Variants in PDE7A observed in about 807,000 individuals in gnomAD.
The protein encoded by PDE7A is high affinity 3',5'-cyclic-AMP phosphodiesterase 7A.
A neutral mutation model predicts 64.3 loss-of-function variants in PDE7A; 39 were observed. That is an observed-to-expected ratio of 0.61 (90% CI 0.47 to 0.79). The LOEUF is 0.79. Ranked by LOEUF, PDE7A falls within the 30% of genes least tolerant of loss-of-function variation. PDE7A has a pLI of 0.00. For synonymous variants in PDE7A, 203 were observed against 206.8 expected, an observed-to-expected ratio of 0.98 and a Z score of 0.16; for missense variants, 470 against 582.8, an observed-to-expected ratio of 0.81 and a Z score of 1.99.
intron 1 of PDE7A, among the ~76,000 whole-genome samples, chr8:65,825,735 T>A (rs1388754807): frequency 1.3e-5 from 2 of 152,152 alleles, no homozygotes; most frequent in South Asian, 4.1e-4. Context: ...ATTAAATGAG[T>A]AAGTTTTTCT....
chr8:65,802,910 A>C (rs1378819782), intron 1 of PDE7A, among the ~76,000 whole-genome samples: 2 of 151,960 alleles, frequency 1.3e-5, no homozygotes, highest in Non-Finnish European at 2.9e-5. Flanking sequence ...TTCTGGGTTC[A>C]CTCATCTGGT....
intron 1 of PDE7A, among the ~76,000 whole-genome samples, chr8:65,829,108 A>G (rs1018274748): frequency 1.3e-5 from 2 of 152,144 alleles, no homozygotes; most frequent in East Asian, 1.9e-4. Context: ...AAAAAATTTA[A>G]ATTACTAAAA....
chr8:65,781,235 A>G (rs1809410313), intron 2 of PDE7A, among the ~76,000 whole-genome samples: 1 of 152,028 alleles, frequency 6.6e-6, no homozygotes, highest in South Asian at 2.1e-4. Context: ...TGAGCCAGGG[A>G]GGAAGAGCCA....
intron 2 of PDE7A, 122 bp from the exon 3 acceptor site, chr8:65,779,925 T>C: frequency 2.0e-6 from 1 of 502,530 alleles, no homozygotes; most frequent in South Asian, 4.2e-5. Context: ...ATCATATATG[T>C]GGAACAGGTA....
intron 1 of PDE7A, among the ~76,000 whole-genome samples, chr8:65,807,100 T>C (rs1447846307): frequency 1.3e-5 from 2 of 152,262 alleles, no homozygotes; most frequent in Admixed American, 1.3e-4. Context: ...AAAGGGACTA[T>C]ACTGAATCTG....
At chr8:65,830,338 CT>C (rs1810785706) in intron 1 of PDE7A, among the ~76,000 whole-genome samples, 1 of 151,814 alleles carries the variant, frequency 6.6e-6, no homozygotes, top group South Asian at 2.1e-4. Flanking sequence ...CAGTTGCTAC[CT>C]GACAAAGCAT....
At chr8:65,756,228 G>A (rs1381908371) in intron 3 of PDE7A, among the ~76,000 whole-genome samples, 1 of 152,188 alleles carries the variant, frequency 6.6e-6, no homozygotes, top group Non-Finnish European at 1.5e-5. Flanking sequence ...TGACTATAGT[G>A]TGTCTCAGTG....
At chr8:65,787,917 C>T (rs1809605275) in intron 1 of PDE7A, among the ~76,000 whole-genome samples, 1 of 152,048 alleles carries the variant, frequency 6.6e-6, no homozygotes, top group Non-Finnish European at 1.5e-5. Flanking sequence ...GTCACTGCAA[C>T]AAAATTAATT....
chr8:65,728,605 G>A (rs1806706178), intron 7 of PDE7A: 1 of 152,300 alleles, frequency 6.6e-6, no homozygotes, highest in Admixed American at 6.5e-5. Context: ...CTAAAGCGCT[G>A]CTTACTAATC....
At chr8:65,831,717 T>G (rs1810825919) in intron 1 of PDE7A, among the ~76,000 whole-genome samples, 1 of 152,036 alleles carries the variant, frequency 6.6e-6, no homozygotes, top group Admixed American at 6.6e-5. Flanking sequence ...GAGACTATCC[T>G]TATCTAAATA....
chr8:65,728,624 C>G (rs1284887434), intron 7 of PDE7A: 1 of 152,076 alleles, frequency 6.6e-6, no homozygotes, highest in African/African-American at 2.4e-5. Flanking sequence ...TCAAGATGAA[C>G]AGAATGCATA....
At chr8:65,824,851 G>C (rs1365041837) in intron 1 of PDE7A, among the ~76,000 whole-genome samples, 1 of 152,156 alleles carries the variant, frequency 6.6e-6, no homozygotes, top group Non-Finnish European at 1.5e-5. Context: ...CACGTGACTT[G>C]CTTTATTGTG....
At chr8:65,825,982 T>C (rs1188286071) in intron 1 of PDE7A, among the ~76,000 whole-genome samples, 1 of 152,020 alleles carries the variant, frequency 6.6e-6, no homozygotes, top group Non-Finnish European at 1.5e-5. Context: ...TTGAAGAGGA[T>C]GGTCAAGGAA....
chr8:65,765,945 TTTTA>T (rs748252017), intron 3 of PDE7A, among the ~76,000 whole-genome samples: 52 of 152,212 alleles, frequency 3.4e-4, no homozygotes, highest in Non-Finnish European at 5.4e-4. Flanking sequence ...AGAGATGAAA[TTTTA>T]TTTATTTATT....
intron 1 of PDE7A, among the ~76,000 whole-genome samples, chr8:65,821,380 TC>T (rs1810537859): frequency 6.9e-6 from 1 of 145,946 alleles, no homozygotes; most frequent in Non-Finnish European, 1.5e-5. Flanking sequence ...TAAAATTCCC[TC>T]CCCCCTAAAC....
chr8:65,804,317 C>T (rs563506517), intron 1 of PDE7A, among the ~76,000 whole-genome samples: 2 of 152,266 alleles, frequency 1.3e-5, no homozygotes, highest in Non-Finnish European at 2.9e-5. Context: ...TGGGGCATTA[C>T]CACTGTCATA....
chr8:65,730,731 T>C (rs1178074586), intron 7 of PDE7A, among the ~76,000 whole-genome samples: 2 of 151,896 alleles, frequency 1.3e-5, no homozygotes, highest in Non-Finnish European at 2.9e-5. Context: ...AGTTCGAGAC[T>C]AGCCTGGCCA....
rs963846855 is a variant in PDE7A, at chr8:65,799,687, T to C, written c.139-16844A>G. On this transcript the variant is annotated intron_variant, in intron 1 of 12. Transcript: ENST00000401827. ...ACAACTGAGTGGAAATATTCACTCA[T>C]GGCTGGGCATGGGTCTCACGGCCTG... Among the ~76,000 whole-genome samples, 3 of 152,302 alleles carry C rather than the reference T, an allele frequency of 2.0e-5. No individual in the cohort carries two copies. The East Asian group carries it at 5.8e-4, about 29-fold the overall frequency.
At chr8:65,752,234 A>G (rs759348085) in intron 3 of PDE7A, among the ~76,000 whole-genome samples, 3 of 151,780 alleles carry the variant, frequency 2.0e-5, no homozygotes, top group Non-Finnish European at 4.4e-5. Flanking sequence ...CTCTACTTTC[A>G]TTTTAGGCTT....
Sources: gnomAD v4.1 joint callset for allele counts (sites outside exome capture counted in the v4.1 genomes callset) on GRCh38, gnomAD v4.1.1 for gene constraint, MANE v1.5 for transcripts, NCBI Gene and HGNC (gene_info 2026-07-23, HGNC 2026-07-21) for gene names.